Variants in ARHGEF18 observed in about 807,000 individuals in gnomAD.
ARHGEF18 encodes the protein rho guanine nucleotide exchange factor 18.
Under a neutral mutation model 155.7 loss-of-function variants are expected in ARHGEF18, and 93 were observed. The observed-to-expected ratio is 0.60, with a 90% CI of 0.50 to 0.71. The LOEUF is 0.71. Ranked by LOEUF, ARHGEF18 falls within the 30% of genes least tolerant of loss-of-function variation. The pLI, the probability that ARHGEF18 is intolerant of heterozygous loss-of-function variation, is 0.00. For missense variants in ARHGEF18, 1,593 were observed against 1,816.1 expected (o/e 0.88, Z 2.23); for synonymous variants, 742 against 753.1 (o/e 0.99, Z 0.24).
At chr19:7,356,820 C>T (rs1026375582) in intron 1 of ARHGEF18, among the ~76,000 whole-genome samples, 14 of 152,184 alleles carry the variant, frequency 9.2e-5, no homozygotes, top group Admixed American at 3.3e-4. Context: ...GCATGAGCCA[C>T]GTACTTGTTC....
chr19:7,423,092 CT>C (rs1216154318), intron 10 of ARHGEF18, among the ~76,000 whole-genome samples: 1 of 152,076 alleles, frequency 6.6e-6, no homozygotes, highest in African/African-American at 2.4e-5. Context: ...CAGTGACTGT[CT>C]GGACAGCTCA....
intron 10 of ARHGEF18, among the ~76,000 whole-genome samples, chr19:7,387,353 C>T (rs1425657451): frequency 6.6e-6 from 1 of 151,884 alleles, no homozygotes; most frequent in Non-Finnish European, 1.5e-5. Context: ...GGGGTTTCAC[C>T]GTGTTAACCA....
At chr19:7,473,708 G>T (rs918086272), downstream of ARHGEF18, among the ~76,000 whole-genome samples, 1 of 151,602 alleles carries the variant, frequency 6.6e-6, no homozygotes, top group Non-Finnish European at 1.5e-5. Flanking sequence ...TACTCGGGAG[G>T]CTGAAGCAGG....
intron 10 of ARHGEF18, among the ~76,000 whole-genome samples, chr19:7,417,899 C>T (rs1973113439): frequency 6.6e-6 from 1 of 152,106 alleles, no homozygotes; most frequent in South Asian, 2.1e-4. Context: ...TGTAAGAGAC[C>T]AGATGGTACA....
chr19:7,389,438 G>A (rs1971266488), intron 10 of ARHGEF18, among the ~76,000 whole-genome samples: 1 of 150,550 alleles, frequency 6.6e-6, no homozygotes, highest in Non-Finnish European at 1.5e-5. Flanking sequence ...GGGATTACAG[G>A]TGTGAGCCAC....
At chr19:7,447,241 A>G (rs1224160217) in intron 15 of ARHGEF18, 73 bp downstream of exon 15, 16 of 1,441,566 alleles carry the variant, frequency 1.1e-5, no homozygotes, top group Non-Finnish European at 1.5e-5. Context: ...CTGTAATCCC[A>G]GCACTTTGGG....
At chr19:7,442,931 C>T (rs940041767) in intron 13 of ARHGEF18, among the ~76,000 whole-genome samples, 1 of 152,066 alleles carries the variant, frequency 6.6e-6, no homozygotes, top group Non-Finnish European at 1.5e-5. Context: ...TACTCTGTCA[C>T]CCAGGCTGGA....
chr19:7,414,851 C>A (rs922616252), intron 10 of ARHGEF18, among the ~76,000 whole-genome samples: 3 of 151,184 alleles, frequency 2.0e-5, no homozygotes, highest in Admixed American at 6.6e-5. Flanking sequence ...AAAAATTAGC[C>A]GGGTGTGGGG....
intron 2 of ARHGEF18, among the ~76,000 whole-genome samples, chr19:7,371,291 A>T (rs929089264): frequency 6.6e-6 from 1 of 152,042 alleles, no homozygotes; most frequent in Non-Finnish European, 1.5e-5. Context: ...ACAGAATTTT[A>T]ATTTGGGAAG....
intron 14 of ARHGEF18, among the ~76,000 whole-genome samples, chr19:7,446,800 G>A (rs372481922): frequency 3.3e-5 from 5 of 151,446 alleles, no homozygotes; most frequent in Admixed American, 6.6e-5. Flanking sequence ...GGAGACTACA[G>A]CAGGAGCATC....
intron 24 of ARHGEF18, 41 bp downstream of exon 24, chr19:7,467,015 A>G (rs772305475): frequency 5.0e-6 from 8 of 1,612,790 alleles, no homozygotes; most frequent in Non-Finnish European, 6.8e-6. Flanking sequence ...GGCCTTGTGC[A>G]CGCGCGTGTG....
At chr19:7,379,007 G>A in intron 6 of ARHGEF18, 115 bp from the exon 7 acceptor site, 1 of 907,556 alleles carries the variant, frequency 1.1e-6, no homozygotes, top group Non-Finnish European at 1.4e-6. Context: ...GTGGCTTTGA[G>A]TAGGGTCTGC....
downstream of ARHGEF18, chr19:7,472,544 G>A (rs1402836346): frequency 1.8e-5 from 3 of 167,608 alleles, no homozygotes; most frequent in South Asian, 4.3e-4. Context: ...AAACGTTGCT[G>A]CAGGAGTAGC....
chr19:7,438,934 G>GC (rs1974445623), intron 10 of ARHGEF18, among the ~76,000 whole-genome samples: 4 of 151,626 alleles, frequency 2.6e-5, no homozygotes. Context: ...GTGCAGTGGC[G>GC]CAATCTCCGC....
chr19:7,380,004 T>G (rs1319155911), intron 7 of ARHGEF18, among the ~76,000 whole-genome samples: 2 of 54,208 alleles, frequency 3.7e-5, no homozygotes, highest in Non-Finnish European at 6.3e-5. Flanking sequence ...GTCTGTATAA[T>G]TTTTTTTTTT....
intron 10 of ARHGEF18, among the ~76,000 whole-genome samples, chr19:7,426,036 A>G (rs535759719): frequency 6.6e-6 from 1 of 152,148 alleles, no homozygotes; most frequent in African/African-American, 2.4e-5. Context: ...GAAATTAGCC[A>G]GGCTTGGTGG....
intron 14 of ARHGEF18, among the ~76,000 whole-genome samples, chr19:7,446,122 G>A (rs2145802806): frequency 6.6e-6 from 1 of 152,256 alleles, no homozygotes; most frequent in East Asian, 1.9e-4. Flanking sequence ...CTGCAGCCAG[G>A]CACTGTGGCT....
chr19:7,477,324 C>G (rs768239298), downstream of ARHGEF18: 4 of 1,559,490 alleles, frequency 2.6e-6, no homozygotes, highest in Non-Finnish European at 3.5e-6. Context: ...CACAGCACGC[C>G]CCGGGGCAGC....
chr19:7,478,255 G>A, the ARHGEF18 span: 21 of 1,567,838 alleles, frequency 1.3e-5, no homozygotes, highest in South Asian at 2.3e-5. Context: ...GCTGCGAGCC[G>A]GGATCCCACG....
Sources: allele counts gnomAD v4.1 joint callset (sites outside exome capture counted in the v4.1 genomes callset), GRCh38; gene constraint gnomAD v4.1.1; transcripts MANE v1.5; gene names NCBI Gene and HGNC (gene_info 2026-07-23, HGNC 2026-07-21).